The following PHACTR1 variants were observed in gnomAD, a reference collection of about 807,000 sequenced individuals.
PHACTR1 encodes the protein phosphatase and actin regulator 1.
Under a neutral mutation model 69.2 loss-of-function variants are expected in PHACTR1, and 16 were observed. That is an observed-to-expected ratio of 0.23 (90% CI 0.16 to 0.35). The LOEUF (loss-of-function observed/expected upper bound fraction) is 0.35. PHACTR1 is among the 10% of genes least tolerant of loss of function. The pLI is 1.00. For synonymous variants in PHACTR1, 312 were observed against 284.5 expected (o/e 1.10, Z -0.97); for missense variants, 510 against 734.7 (o/e 0.69, Z 3.54).
chr6:13,014,244 A>T (rs1027676920), intron 4 of PHACTR1, among the ~76,000 whole-genome samples: 2 of 151,870 alleles, frequency 1.3e-5, no homozygotes, highest in African/African-American at 2.4e-5. Flanking sequence ...TCGCCTGGAA[A>T]ACTGCGGGGA....
At chr6:13,211,064 A>C (rs1327536724) in intron 8 of PHACTR1, among the ~76,000 whole-genome samples, 3 of 152,064 alleles carry the variant, frequency 2.0e-5, no homozygotes, top group Non-Finnish European at 2.9e-5. Flanking sequence ...GTCATTAAAG[A>C]GTTGAATTCA....
chr6:13,014,925 G>T (rs916464813), intron 4 of PHACTR1, among the ~76,000 whole-genome samples: 1 of 152,248 alleles, frequency 6.6e-6, no homozygotes, highest in African/African-American at 2.4e-5. Flanking sequence ...CCCCTGTGTG[G>T]CTGTGCATTT....
At chr6:13,227,689 A>G in intron 8 of PHACTR1, 127 bp from the exon 9 acceptor site, 1 of 1,253,734 alleles carries the variant, frequency 8.0e-7, no homozygotes, top group East Asian at 2.3e-5. Flanking sequence ...TGAGCAATGG[A>G]ACTTTACTTG....
intron 4 of PHACTR1, among the ~76,000 whole-genome samples, chr6:12,871,790 T>C (rs1426615372): frequency 1.3e-5 from 2 of 152,184 alleles, no homozygotes; most frequent in Non-Finnish European, 2.9e-5. Context: ...GATTGTCACC[T>C]AGATTCACTA....
chr6:13,258,023 T>G (rs77024833), intron 10 of PHACTR1, among the ~76,000 whole-genome samples: 4,590 of 152,190 alleles, frequency 0.03, 113 homozygotes, highest in Non-Finnish European at 0.046. Context: ...CAATCCTCAG[T>G]GCAGGTTTGA....
chr6:13,162,275 T>TTTTG (rs144466160), intron 6 of PHACTR1, among the ~76,000 whole-genome samples: 73,977 of 149,710 alleles, frequency 0.49, 19,790 homozygotes, highest in Non-Finnish European at 0.6. Flanking sequence ...ACTTTTGTTT[T>TTTTG]TTTGTTTGTT....
intron 5 of PHACTR1, among the ~76,000 whole-genome samples, chr6:13,158,442 C>G (rs1758507140): frequency 1.3e-5 from 2 of 152,180 alleles, no homozygotes; most frequent in African/African-American, 4.8e-5. Flanking sequence ...ATTTATGTCT[C>G]TATTTTAGGA....
intron 4 of PHACTR1, among the ~76,000 whole-genome samples, chr6:13,031,078 CT>C (rs1411363738): frequency 1.8e-4 from 27 of 152,332 alleles, no homozygotes; most frequent in Middle Eastern, 3.4e-3. Context: ...AAGATTACCC[CT>C]GGTCCAGAAC....
intron 4 of PHACTR1, among the ~76,000 whole-genome samples, chr6:12,833,265 T>C (rs761506003): frequency 6.6e-6 from 1 of 151,634 alleles, no homozygotes; most frequent in African/African-American, 2.4e-5. Flanking sequence ...TTCTTTTTTT[T>C]TCTTTTTTTT....
chr6:12,929,288 C>T (rs1314973187), intron 4 of PHACTR1, among the ~76,000 whole-genome samples: 2 of 152,112 alleles, frequency 1.3e-5, no homozygotes, highest in Non-Finnish European at 2.9e-5. Context: ...GCTTCTCCTG[C>T]CCTAACCTAC....
chr6:12,757,439 C>T (rs551226318), intron 4 of PHACTR1, among the ~76,000 whole-genome samples: 25 of 152,160 alleles, frequency 1.6e-4, no homozygotes, highest in Admixed American at 5.2e-4. Flanking sequence ...CAGGGATTTG[C>T]GCATAGGAGT....
In PHACTR1 at chr6:12,784,003, CACAT is replaced by C. The variant is rs528814891; in HGVS notation, c.250+34215_250+34218del. The stretch of plus-strand genomic sequence containing the variant: ...ACACACATATATCTATACACATACA[CACAT>C]ATACATGATGATATGTACATATGCA... On this transcript the variant is annotated intron_variant, in intron 4 of 14. Transcript: ENST00000332995. Among the ~76,000 whole-genome samples, 355 of 152,100 alleles carry C rather than the reference CACAT, an allele frequency of 2.3e-3. 1 individual carries two copies. Among genetic ancestry groups the C allele is most frequent in the Middle Eastern group, 6.8e-3 (2 of 294 alleles).
intron 4 of PHACTR1, among the ~76,000 whole-genome samples, chr6:12,915,108 G>A (rs1371830476): frequency 6.6e-6 from 1 of 152,208 alleles, no homozygotes; most frequent in Non-Finnish European, 1.5e-5. Context: ...AGGTGACCAA[G>A]GGACTGCATA....
chr6:13,191,048 GTC>G (rs1458761621), intron 7 of PHACTR1, among the ~76,000 whole-genome samples: 56 of 152,130 alleles, frequency 3.7e-4, no homozygotes, highest in African/African-American at 1.3e-3. Flanking sequence ...TTCATTATGT[GTC>G]TCTGTTTTTC....
At chr6:13,166,389 G>C (rs1016473912) in intron 6 of PHACTR1, among the ~76,000 whole-genome samples, 1 of 152,150 alleles carries the variant, frequency 6.6e-6, no homozygotes, top group Non-Finnish European at 1.5e-5. Flanking sequence ...AAGCAGGGCA[G>C]GGGTCTTCGT....
In PHACTR1 at chr6:12,750,097, C is replaced by A. The variant is rs560748568; in HGVS notation, c.250+307C>A. On this transcript the variant is annotated intron_variant, in intron 4 of 14. Coordinates refer to ENST00000332995, the MANE Select transcript of PHACTR1 (RefSeq NM_030948.6). ...CCGGAGCCCGGGCCGCGCGCCCATG[C>A]GCAGGCTGCGGGCGCGGGGTCTGGC... 3.3e-5 allele frequency among the ~76,000 whole-genome samples: 5 copies of A among 152,266 alleles called. No individual in the cohort carries two copies. The East Asian group carries it at 9.7e-4, about 30-fold the overall frequency.
chr6:13,132,981 T>A (rs1301935344), intron 5 of PHACTR1, among the ~76,000 whole-genome samples: 1 of 152,130 alleles, frequency 6.6e-6, no homozygotes, highest in Non-Finnish European at 1.5e-5. Context: ...AGAACTTCCT[T>A]CAAAATTGGA....
Position 13,287,190 on chromosome 6 carries a change from T to A in PHACTR1, c.*112T>A. On this transcript the variant is annotated 3_prime_UTR_variant, in exon 15 of 15. Coordinates refer to ENST00000332995, the MANE Select transcript of PHACTR1 (RefSeq NM_030948.6). ...TACGATGTAAATCTTCTGAACTGCCTTTTTTTTAAAAAGAAGAAAAATCAA... is the reference window on the plus strand; with the variant it reads ...TACGATGTAAATCTTCTGAACTGCCATTTTTTTAAAAAGAAGAAAAATCAA... The A allele has an allele frequency of 9.5e-7, 1 of 1,047,536 alleles. No individual in the cohort carries two copies. The highest frequency in any genetic ancestry group is 1.6e-5 in the South Asian group (1 of 62,124). 64.9% of individuals were successfully genotyped at this position (1,047,536 alleles called of 1,614,324 possible).
At chr6:12,957,289 G>A in intron 4 of PHACTR1, 1 of 628,780 alleles carries the variant, frequency 1.6e-6, no homozygotes, top group Non-Finnish European at 2.0e-6. Flanking sequence ...CAGGCTGTGA[G>A]TTCCAGACTT....
Sources: gnomAD v4.1 joint callset for allele counts (sites outside exome capture counted in the v4.1 genomes callset) on GRCh38, gnomAD v4.1.1 for gene constraint, MANE v1.5 for transcripts, NCBI Gene and HGNC (gene_info 2026-07-23, HGNC 2026-07-21) for gene names.